The following RAD52 variants were observed in gnomAD, a reference collection of about 807,000 sequenced individuals.
RAD52 encodes the protein RAD52 DNA repair protein, also known as DNA repair protein RAD52 homolog.
In RAD52, 47 loss-of-function variants were observed where a neutral mutation model predicts 55.5. The observed-to-expected ratio is 0.85, with a 90% confidence interval of 0.67 to 1.08. The LOEUF is 1.08. Ranked by LOEUF, RAD52 falls within the 50% of genes least tolerant of loss-of-function variation. RAD52 has a pLI of 0.00. For missense variants in RAD52, 468 were observed against 522.8 expected (o/e 0.90, Z 1.02); for synonymous variants, 184 against 198.9 (o/e 0.92, Z 0.63).
intron 1 of RAD52, among the ~76,000 whole-genome samples, chr12:970,491 C>T (rs567514626): frequency 6.6e-6 from 1 of 152,090 alleles, no homozygotes; most frequent in Non-Finnish European, 1.5e-5. Flanking sequence ...ATACTAATAA[C>T]CAAAAATAAG....
chr12:971,957 C>A (rs1337254115), intron 1 of RAD52, among the ~76,000 whole-genome samples: 1 of 152,076 alleles, frequency 6.6e-6, no homozygotes, highest in Non-Finnish European at 1.5e-5. Context: ...ACCGTGTTAG[C>A]CAGGATGGTC....
intron 6 of RAD52, among the ~76,000 whole-genome samples, chr12:925,829 CAG>C (rs3841500): frequency 0.13 from 20,463 of 151,944 alleles, 1,641 homozygotes; most frequent in Middle Eastern, 0.22. Flanking sequence ...GAACAAACTG[CAG>C]AGAGTTTTTC....
intron 9 of RAD52, among the ~76,000 whole-genome samples, chr12:916,014 G>A (rs1956351500): frequency 6.6e-6 from 1 of 152,146 alleles, no homozygotes; most frequent in African/African-American, 2.4e-5. Context: ...ACCGTGCCCG[G>A]CCAAGGCTTT....
intron 10 of RAD52, 89 bp from the exon 11 acceptor site, chr12:914,210 T>C (rs1040596501): frequency 7.4e-7 from 1 of 1,349,362 alleles, no homozygotes; most frequent in Non-Finnish European, 1.0e-6. Flanking sequence ...AGAAATTCCA[T>C]GTCTTCAGTA....
rs780125325 is a variant in RAD52 at position 947,011 on chromosome 12, G to A, written c.-19+2591C>T. On this transcript the variant is annotated intron_variant, in intron 1 of 11. Coordinates refer to ENST00000358495, the MANE Select transcript of RAD52 (RefSeq NM_134424.4). The stretch of plus-strand genomic sequence containing the variant: ...GATAATTAACGGCCTGGTAAGTGGT[G>A]AACTGAGAATAGAACACTTTAAAAA... 3.4e-4 allele frequency among the ~76,000 whole-genome samples: 51 copies of A among 152,170 alleles called. 1 individual carries two copies. The highest frequency in any genetic ancestry group is 6.9e-4 in the Non-Finnish European group (47 of 68,032).
intron 1 of RAD52, among the ~76,000 whole-genome samples, chr12:955,534 C>T (rs1026382388): frequency 4.0e-5 from 6 of 150,984 alleles, no homozygotes; most frequent in East Asian, 1.9e-4. Flanking sequence ...AGTGCAGTGG[C>T]GCAATCTCAA....
upstream of RAD52, among the ~76,000 whole-genome samples, chr12:953,598 T>C (rs1208634877): frequency 6.6e-6 from 1 of 152,204 alleles, no homozygotes; most frequent in African/African-American, 2.4e-5. Context: ...ATTTACTTCA[T>C]AACATGGCCG....
intron 7 of RAD52, among the ~76,000 whole-genome samples, chr12:919,668 T>C (rs185281980): frequency 2.1e-5 from 2 of 96,676 alleles, no homozygotes; most frequent in Admixed American, 9.8e-5. Flanking sequence ...CGAGAATCGC[T>C]TGAACCCGGG....
upstream of RAD52, among the ~76,000 whole-genome samples, chr12:954,253 A>T (rs10849603): frequency 0.76 from 115,324 of 152,118 alleles, 44,155 homozygotes; most frequent in South Asian, 0.84. Flanking sequence ...TCAGATTTTG[A>T]CTTTGTAAAT....
At chr12:914,147 C>T (rs1956234351) in intron 10 of RAD52, 26 bp from the exon 11 acceptor site, 1 of 1,583,490 alleles carries the variant, frequency 6.3e-7, no homozygotes, top group African/African-American at 1.3e-5. Flanking sequence ...AAAAGTGCGT[C>T]ATCAGCAAAT....
In RAD52 at chr12:913,888, T is replaced by G; in HGVS notation, c.1195+6A>C. The G allele has an allele frequency of 6.2e-7, 1 of 1,612,658 alleles. No individual in the cohort carries two copies. Among genetic ancestry groups the G allele is most frequent in the Non-Finnish European group, 8.5e-7 (1 of 1,178,630 alleles). On this transcript the variant is annotated splice_donor_region_variant and intron_variant, in intron 11 of 11. Coordinates refer to ENST00000358495, the MANE Select transcript of RAD52 (RefSeq NM_134424.4). ...TAATTTTTGTGCCTAAACACCTCTCTGCTACCTGTTGTGCGTTGGTCAGCG... is the reference window on the plus strand; with the variant it reads ...TAATTTTTGTGCCTAAACACCTCTCGGCTACCTGTTGTGCGTTGGTCAGCG...
rs1372593018 is a variant in RAD52, at chr12:916,408, C to A, written c.801G>T (p.Gln267His). 3 of 1,608,908 alleles carry A rather than the reference C, an allele frequency of 1.9e-6. No homozygotes were observed. The highest frequency in any genetic ancestry group is 2.5e-6 in the Non-Finnish European group (3 of 1,179,572). The change falls in exon 9 of 12, where the codon CAG becomes CAT. Residue 267 changes from glutamine to histidine, a missense_variant. Physicochemically the swap from Gln to His is conservative, Grantham distance 24. Transcript: ENST00000358495. ...GCTGCTTCTCCATCCGCTCCCGGAA[C>A]TGCTGCTGCAGCTGCTTCTGCCGGA... is the stretch of plus-strand genomic sequence containing the variant. The part of the protein sequence containing the change: ...RKLRQKQLQQ[Q>H]FRERMEKQQV...
At chr12:929,653 G>A in intron 5 of RAD52, 166 bp downstream of exon 5, 1 of 796,100 alleles carries the variant, frequency 1.3e-6, no homozygotes, top group Non-Finnish European at 2.3e-6. Context: ...CATTCTTTTA[G>A]GGAGCACATG....
chr12:919,414 C>G (rs918470740), intron 7 of RAD52, among the ~76,000 whole-genome samples: 1 of 151,698 alleles, frequency 6.6e-6, no homozygotes, highest in South Asian at 2.1e-4. Flanking sequence ...ACTCCAGCCT[C>G]GGTGACAAGA....
chr12:959,970 G>A (rs1364973695), intron 1 of RAD52, among the ~76,000 whole-genome samples: 1 of 152,192 alleles, frequency 6.6e-6, no homozygotes, highest in Non-Finnish European at 1.5e-5. Flanking sequence ...AGGTCCAGAG[G>A]TGGGAAGGAG....
Position 911,997 on chromosome 12 carries a change from CTG to C in RAD52, c.*1392_*1393del. On this transcript the variant is annotated 3_prime_UTR_variant, in exon 12 of 12. Coordinates refer to ENST00000358495, the MANE Select transcript of RAD52 (RefSeq NM_134424.4). ...CAAGATGGCACCGCTGCACTCCAGC[CTG>C]CGCTACAGAGCCAGACCCCCCCTCT... is the stretch of plus-strand genomic sequence containing the variant. 1 of 192,754 alleles carries C rather than the reference CTG, an allele frequency of 5.2e-6. No homozygotes were observed. The highest frequency in any genetic ancestry group is 1.1e-5 in the Non-Finnish European group (1 of 94,442). The allele number at this position is 192,754 out of a possible 1,614,324, so 11.9% of individuals were successfully genotyped here. A position where few individuals can be genotyped will look rare whatever the true frequency, so the allele number is the denominator to read the frequency against.
chr12:913,463 C>CA lies in RAD52; in HGVS notation c.1196-12dup, dbSNP rs776301576. ...GAGATTCCCAGTTTCCTATGGAAGACAAAATGGCTTAAATGTAGCTGCCAT... is the reference window on the plus strand; with the variant it reads ...GAGATTCCCAGTTTCCTATGGAAGACAAAAATGGCTTAAATGTAGCTGCCAT... On this transcript the variant is annotated splice_polypyrimidine_tract_variant and intron_variant, in intron 11 of 11. Coordinates refer to ENST00000358495, the MANE Select transcript of RAD52 (RefSeq NM_134424.4). 2 of 1,580,540 alleles carry CA rather than the reference C, an allele frequency of 1.3e-6. No individual in the cohort carries two copies. The highest frequency in any genetic ancestry group is 1.1e-5 in the South Asian group (1 of 89,624).
At chr12:961,140 C>G (rs1007377472) in intron 1 of RAD52, among the ~76,000 whole-genome samples, 8 of 151,116 alleles carry the variant, frequency 5.3e-5, no homozygotes, top group African/African-American at 1.9e-4. Flanking sequence ...ATGGTGAAAC[C>G]CCGTACTAAA....
rs750425355 is a variant in RAD52 at position 973,782 on chromosome 12, C to CTTTTTTTTTT, written c.-19+16017_-19+16026dup. ...GCATGAGCCACCACGCCCAGTCCTT[C>CTTTTTTTTTT]TTTTTTTTTTTTTTTTTTTTTTAAG... On this transcript the variant is annotated intron_variant, in intron 1 of 11. Coordinates refer to the RAD52 transcript ENST00000430095. Among the ~76,000 whole-genome samples, 488 of 113,430 alleles carry CTTTTTTTTTT rather than the reference C, an allele frequency of 4.3e-3. 6 individuals are homozygous for CTTTTTTTTTT. Among genetic ancestry groups the CTTTTTTTTTT allele is most frequent in the African/African-American group, 0.017 (468 of 27,036 alleles). The allele number at this position is 113,430 out of a possible 152,430, so 74.4% of individuals were successfully genotyped here. A position where few individuals can be genotyped will look rare whatever the true frequency, so the allele number is the denominator to read the frequency against.
Sources: gnomAD v4.1 joint callset for allele counts (sites outside exome capture counted in the v4.1 genomes callset) on GRCh38, gnomAD v4.1.1 for gene constraint, MANE v1.5 for transcripts, NCBI Gene and HGNC (gene_info 2026-07-23, HGNC 2026-07-21) for gene names.